IQANK1: variants seen among roughly 807,000 people sequenced by gnomAD.
IQANK1 encodes IQ motif and ankyrin repeat domain-containing protein 1.
A neutral mutation model predicts 22.6 loss-of-function variants in IQANK1; 30 were observed. The observed-to-expected ratio is 1.33, with a 90% CI of 0.99 to 1.80. The LOEUF is 1.80. Ranked by LOEUF, IQANK1 falls within the 40% of genes most tolerant of loss-of-function variation. IQANK1 has a pLI of 0.00. For synonymous variants in IQANK1, 122 were observed against 99.6 expected, an observed-to-expected ratio of 1.23 and a Z score of -1.34; for missense variants, 275 against 235.2, an observed-to-expected ratio of 1.17 and a Z score of -1.11.
intron 3 of IQANK1, among the ~76,000 whole-genome samples, chr8:143,763,591 G>C (rs1819433923): frequency 6.6e-6 from 1 of 152,178 alleles, no homozygotes; most frequent in Admixed American, 6.5e-5. Flanking sequence ...ACGAGAGCTG[G>C]TTGGTTACAC....
At chr8:143,764,994 G>T (rs1554629123) in intron 3 of IQANK1, among the ~76,000 whole-genome samples, 8 of 152,104 alleles carry the variant, frequency 5.3e-5, no homozygotes, top group Non-Finnish European at 2.9e-5. Flanking sequence ...TCTTACAAAT[G>T]TGTTCACCAT....
At chr8:143,763,095 C>T (rs1819425501) in intron 3 of IQANK1, among the ~76,000 whole-genome samples, 1 of 152,114 alleles carries the variant, frequency 6.6e-6, no homozygotes, top group Non-Finnish European at 1.5e-5. Context: ...CAGCTCACTG[C>T]AACCTCTGCC....
At chr8:143,740,942 C>T (rs1396512464) in intron 3 of IQANK1, among the ~76,000 whole-genome samples, 1 of 152,222 alleles carries the variant, frequency 6.6e-6, no homozygotes, top group African/African-American at 2.4e-5. Context: ...GGGATTTGGC[C>T]TTGGCAAGAG....
intron 2 of IQANK1, among the ~76,000 whole-genome samples, chr8:143,737,205 CG>C (rs572019750): frequency 1.3e-5 from 2 of 152,216 alleles, no homozygotes; most frequent in East Asian, 1.9e-4. Context: ...CTCCAATAAA[CG>C]GGGGGCAGGG....
Position 143,790,136 on chromosome 8 carries a change from G to T in IQANK1, c.1290-1G>T, listed in dbSNP as rs187877801. Reference sequence around the variant, plus strand: ...AGCAGTGACCTGATGGGTGTCCCCAGGTGGCCTCTTGTTATTGACCCTTTG... The same window carrying T: ...AGCAGTGACCTGATGGGTGTCCCCATGTGGCCTCTTGTTATTGACCCTTTG... On this transcript the variant is annotated splice_acceptor_variant, in intron 12 of 13. Transcript: ENST00000527139. LOFTEE classifies it high-confidence loss of function. 1.1e-5 allele frequency: 13 copies of T among 1,232,058 alleles called. No homozygotes were observed. The Admixed American group carries it at 5.5e-4, about 52-fold the overall frequency. The allele number at this position is 1,232,058 out of a possible 1,614,324, so 76.3% of individuals were successfully genotyped here.
At chr8:143,742,512 C>G (rs1486696684) in intron 3 of IQANK1, 1 of 456,046 alleles carries the variant, frequency 2.2e-6, no homozygotes. Context: ...GGGCTGGGCC[C>G]CACAAACACC....
At chr8:143,749,313 AATAT>A (rs1173188136) in intron 3 of IQANK1, among the ~76,000 whole-genome samples, 5 of 103,706 alleles carry the variant, frequency 4.8e-5, no homozygotes, top group African/African-American at 1.6e-4. Flanking sequence ...AAAATATAAA[AATAT>A]ATATAAAAAT....
chr8:143,747,121 C>T (rs1324932987), intron 3 of IQANK1, among the ~76,000 whole-genome samples: 2 of 152,196 alleles, frequency 1.3e-5, no homozygotes, highest in Non-Finnish European at 2.9e-5. Flanking sequence ...CCTCGTGATC[C>T]ACCCGCCTTG....
At chr8:143,736,588 G>C (rs1399769182) in intron 2 of IQANK1, among the ~76,000 whole-genome samples, 1 of 152,150 alleles carries the variant, frequency 6.6e-6, no homozygotes, top group Non-Finnish European at 1.5e-5. Context: ...TTTGAAACAG[G>C]AGGGTTTGAG....
At chr8:143,750,944 T>TG (rs78930988) in intron 3 of IQANK1, among the ~76,000 whole-genome samples, 1 of 149,700 alleles carries the variant, frequency 6.7e-6, no homozygotes, top group East Asian at 1.9e-4. Context: ...CTGTCTTCTT[T>TG]TGTGTGTGTG....
At chr8:143,767,947 A>C (rs1360099917) in intron 3 of IQANK1, among the ~76,000 whole-genome samples, 3 of 127,094 alleles carry the variant, frequency 2.4e-5, no homozygotes, top group East Asian at 4.9e-4. Context: ...GCAGTGGCTC[A>C]ATCTTGGCTC....
chr8:143,766,732 TGTG>T (rs1819488050), intron 3 of IQANK1, among the ~76,000 whole-genome samples: 1 of 152,210 alleles, frequency 6.6e-6, no homozygotes, highest in African/African-American at 2.4e-5. Flanking sequence ...GGGTATTTTT[TGTG>T]GTGGTCTCTG....
chr8:143,748,807 C>CATATAAATATATAAATATATATTTAAT (rs1819101596), intron 3 of IQANK1, among the ~76,000 whole-genome samples: 1 of 40,142 alleles, frequency 2.5e-5, no homozygotes, highest in South Asian at 1.4e-3. Context: ...AAATATATAT[C>CATATAAATATATAAATATATATTTAAT]ATATAAATAT....
At chr8:143,749,686 C>G (rs1163811573) in intron 3 of IQANK1, among the ~76,000 whole-genome samples, 1 of 148,372 alleles carries the variant, frequency 6.7e-6, no homozygotes, top group African/African-American at 2.5e-5. Flanking sequence ...ATCTCCACCT[C>G]CTGGTACCTG....
chr8:143,782,938 G>C (rs1819823317), intron 7 of IQANK1, among the ~76,000 whole-genome samples: 1 of 152,186 alleles, frequency 6.6e-6, no homozygotes. Flanking sequence ...TATGGCAGCT[G>C]TTCTTTGGTA....
At chr8:143,756,547 A>C (rs1169297466) in intron 3 of IQANK1, among the ~76,000 whole-genome samples, 1 of 151,992 alleles carries the variant, frequency 6.6e-6, no homozygotes. Flanking sequence ...GCTGGTACAC[A>C]CGCCCAACCT....
rs57630631 is a variant in IQANK1, at chr8:143,739,787, A to G, written c.86-72A>G. 2,232 of 634,150 alleles carry G rather than the reference A, an allele frequency of 3.5e-3. 34 individuals are homozygous for G. In the African/African-American group the frequency reaches 0.038, roughly 11 times the overall value. 39.3% of individuals were successfully genotyped at this position (634,150 alleles called of 1,614,324 possible). On this transcript the variant is annotated intron_variant, in intron 2 of 13. Transcript: ENST00000527139. Reference sequence around the variant, plus strand: ...GGACGCACGGCCCTTTCGGTGCCCCATAAGTGTCTCTTGAGGCTAATGGGG... The same window carrying G: ...GGACGCACGGCCCTTTCGGTGCCCCGTAAGTGTCTCTTGAGGCTAATGGGG...
At chr8:143,738,460 G>A (rs1393908277) in intron 2 of IQANK1, among the ~76,000 whole-genome samples, 4 of 152,322 alleles carry the variant, frequency 2.6e-5, no homozygotes, top group South Asian at 2.1e-4. Context: ...GACCCCACTC[G>A]GTGGGGCCAG....
chr8:143,736,795 C>T (rs797035863), intron 2 of IQANK1, among the ~76,000 whole-genome samples: 1 of 152,114 alleles, frequency 6.6e-6, no homozygotes, highest in South Asian at 2.1e-4. Flanking sequence ...TACCCTCCCC[C>T]ACCCCAGCCC....
Sources: gnomAD v4.1 joint callset for allele counts (sites outside exome capture counted in the v4.1 genomes callset) on GRCh38, gnomAD v4.1.1 for gene constraint, MANE v1.5 for transcripts, NCBI Gene and HGNC (gene_info 2026-07-23, HGNC 2026-07-21) for gene names.